SIL1: variants seen among roughly 807,000 people sequenced by gnomAD.
SIL1 encodes SIL1 nucleotide exchange factor.
A neutral mutation model predicts 49.1 loss-of-function variants in SIL1; 40 were observed. The observed-to-expected ratio is 0.81, with a 90% CI of 0.63 to 1.06. The LOEUF is 1.06. SIL1 is among the 50% of genes least tolerant of loss of function. The pLI is 0.00. For missense variants in SIL1, 500 were observed against 572.6 expected (o/e 0.87, Z 1.29); for synonymous variants, 253 against 250.8 (o/e 1.01, Z -0.08).
chr5:139,167,537 TATAA>T (rs1480853632), intron 1 of SIL1, among the ~76,000 whole-genome samples: 3 of 152,266 alleles, frequency 2.0e-5, no homozygotes, highest in Non-Finnish European at 4.4e-5. Context: ...CAGAATAATG[TATAA>T]ATATTTTTGT....
At chr5:139,142,091 G>A (rs781000624) in intron 1 of SIL1, among the ~76,000 whole-genome samples, 66 of 152,278 alleles carry the variant, frequency 4.3e-4, no homozygotes, top group Non-Finnish European at 7.1e-4. Flanking sequence ...CCAGACAGGC[G>A]GCCAAGATGG....
chr5:139,051,021 G>A lies in SIL1; in HGVS notation c.270C>T (p.His90=), dbSNP rs777285873. 35 of 1,614,002 alleles carry A rather than the reference G, an allele frequency of 2.2e-5. No individual in the cohort carries two copies. The highest frequency in any genetic ancestry group is 8.9e-5 in the East Asian group (4 of 44,878). ...CCCCAGTCTGAAGATTCAGCCGTAC[G>A]TGGGATCCTGCAGGGACAGCCTGCC... ...QPGQAVPAGS[H]VRLNLQTGER... is the part of the protein sequence containing the mutation. Residue 90 remains histidine (H), a synonymous_variant, in exon 4 of 10, where the codon CAC becomes CAT. Transcript: ENST00000394817.
At chr5:139,024,131 G>A (rs1241004961) in intron 6 of SIL1, among the ~76,000 whole-genome samples, 1 of 152,146 alleles carries the variant, frequency 6.6e-6, no homozygotes, top group Non-Finnish European at 1.5e-5. Context: ...AGTCATTTTG[G>A]TGTTTCATGT....
At chr5:139,136,432 A>G (rs1304121692) in intron 1 of SIL1, among the ~76,000 whole-genome samples, 1 of 152,246 alleles carries the variant, frequency 6.6e-6, no homozygotes, top group East Asian at 1.9e-4. Flanking sequence ...CAGAGCGACT[A>G]TCTTTCTAGG....
intron 3 of SIL1, among the ~76,000 whole-genome samples, chr5:139,081,336 C>T (rs1278433187): frequency 1.3e-5 from 2 of 152,228 alleles, no homozygotes; most frequent in Non-Finnish European, 2.9e-5. Flanking sequence ...CTCACTGCAA[C>T]TTCTGCCTTC....
At chr5:138,960,876 G>C (rs917803398) in intron 7 of SIL1, among the ~76,000 whole-genome samples, 8 of 152,196 alleles carry the variant, frequency 5.3e-5, no homozygotes, top group Non-Finnish European at 4.4e-5. Context: ...TAATCTGCCA[G>C]CCTGGCAAAT....
chr5:139,080,598 T>C (rs767150468), intron 3 of SIL1, among the ~76,000 whole-genome samples: 34 of 152,230 alleles, frequency 2.2e-4, no homozygotes, highest in Non-Finnish European at 3.8e-4. Flanking sequence ...GTTCAGGGTC[T>C]ATTACATAAG....
intron 1 of SIL1, among the ~76,000 whole-genome samples, chr5:139,170,472 GC>G (rs1219412439): frequency 6.6e-6 from 1 of 151,376 alleles, no homozygotes; most frequent in African/African-American, 2.4e-5. Context: ...GAGCGTCTCT[GC>G]CCGGCCGCCC....
intron 4 of SIL1, among the ~76,000 whole-genome samples, chr5:139,048,387 T>G (rs1468344384): frequency 1.4e-5 from 2 of 144,150 alleles, no homozygotes; most frequent in African/African-American, 5.3e-5. Context: ...TTTTTTTTTT[T>G]TTTTTTGAGA....
intron 1 of SIL1, among the ~76,000 whole-genome samples, chr5:139,179,251 A>G (rs1017511436): frequency 1.2e-4 from 18 of 152,306 alleles, no homozygotes; most frequent in African/African-American, 4.1e-4. Flanking sequence ...AGTAATCCCC[A>G]GGGCAGACAG....
intron 3 of SIL1, among the ~76,000 whole-genome samples, chr5:139,117,088 T>C (rs751804150): frequency 2.0e-5 from 3 of 152,252 alleles, no homozygotes; most frequent in Non-Finnish European, 4.4e-5. Flanking sequence ...GGCCTTGCCA[T>C]ACCATCTTTA....
At chr5:139,001,123 G>C (rs1303063003) in intron 7 of SIL1, among the ~76,000 whole-genome samples, 2 of 151,514 alleles carry the variant, frequency 1.3e-5, no homozygotes, top group Non-Finnish European at 2.9e-5. Flanking sequence ...TCAGGAAAGA[G>C]TAAATTCAAA....
chr5:139,136,514 G>A (rs1750976523), intron 1 of SIL1, among the ~76,000 whole-genome samples: 1 of 152,182 alleles, frequency 6.6e-6, no homozygotes, highest in Non-Finnish European at 1.5e-5. Context: ...TTAGGAAAAG[G>A]GAGCAAGCAA....
At chr5:139,186,628 G>C (rs746897323) in intron 1 of SIL1, among the ~76,000 whole-genome samples, 53 of 152,300 alleles carry the variant, frequency 3.5e-4, no homozygotes, top group Non-Finnish European at 6.2e-4. Context: ...TTGCCTCTCT[G>C]TTCCCAACTT....
chr5:139,131,515 A>G (rs572360215), intron 1 of SIL1: 11 of 152,390 alleles, frequency 7.2e-5, no homozygotes, highest in African/African-American at 2.6e-4. Context: ...AAAAAAGCAC[A>G]GCCAAATGGA....
intron 7 of SIL1, among the ~76,000 whole-genome samples, chr5:138,952,244 A>C (rs1057287816): frequency 3.9e-5 from 6 of 152,228 alleles, no homozygotes; most frequent in African/African-American, 1.4e-4. Flanking sequence ...GCGCTTCCCA[A>C]GCCAGTGCCG....
intron 3 of SIL1, among the ~76,000 whole-genome samples, chr5:139,084,419 T>C (rs1238378307): frequency 5.1e-5 from 5 of 98,828 alleles, no homozygotes; most frequent in African/African-American, 1.6e-4. Flanking sequence ...ATTAAGAAAA[T>C]GTGGCACATA....
At chr5:138,963,252 G>A (rs139930546) in intron 7 of SIL1, among the ~76,000 whole-genome samples, 4 of 152,158 alleles carry the variant, frequency 2.6e-5, no homozygotes, top group East Asian at 1.9e-4. Context: ...TTGTCAACCC[G>A]CCCTTTGAGG....
intron 7 of SIL1, among the ~76,000 whole-genome samples, chr5:139,002,361 A>G (rs1768006008): frequency 6.6e-6 from 1 of 152,186 alleles, no homozygotes; most frequent in East Asian, 1.9e-4. Context: ...AATATAGCAA[A>G]TTTTAGTTTA....
Sources: gnomAD v4.1 joint callset for allele counts (sites outside exome capture counted in the v4.1 genomes callset) on GRCh38, gnomAD v4.1.1 for gene constraint, MANE v1.5 for transcripts, NCBI Gene and HGNC (gene_info 2026-07-23, HGNC 2026-07-21) for gene names.